The following NRDE2 variants were observed in gnomAD, a reference collection of about 807,000 sequenced individuals.
NRDE2 encodes nuclear exosome regulator NRDE2.
NRDE2 carries 76 observed loss-of-function variants against 124.2 expected under a neutral mutation model. That is an observed-to-expected ratio of 0.61 (90% CI 0.51 to 0.74). The LOEUF (loss-of-function observed/expected upper bound fraction) is 0.74, where lower values mean the gene tolerates loss of function less well. NRDE2 is among the 30% of genes least tolerant of loss of function. NRDE2 has a pLI of 0.00. For synonymous variants in NRDE2, 489 were observed against 528.1 expected, an observed-to-expected ratio of 0.93 and a Z score of 1.01; for missense variants, 1,314 against 1,417.3, an observed-to-expected ratio of 0.93 and a Z score of 1.17.
At position 90,275,204 on chromosome 14, in the gene NRDE2, C is replaced by T. The variant is rs1891777134; in HGVS notation, c.*3132G>A. The T allele has an allele frequency of 6.6e-6, 1 of 152,126 alleles. No individual in the cohort carries two copies. The highest frequency in any genetic ancestry group is 1.5e-5 in the Non-Finnish European group (1 of 68,040). 9.4% of individuals were successfully genotyped at this position (152,126 alleles called of 1,614,324 possible). On this transcript the variant is annotated 3_prime_UTR_variant, in exon 14 of 14. Coordinates refer to ENST00000354366, the MANE Select transcript of NRDE2 (RefSeq NM_017970.4). ...AGAAGGAGACCAAAGAGATGACAAC[C>T]AAGTGCAGCTCCTGCTCCTGAACTG...
intron 1 of NRDE2, among the ~76,000 whole-genome samples, chr14:90,321,515 A>C (rs959445065): frequency 6.7e-6 from 1 of 148,556 alleles, no homozygotes; most frequent in Non-Finnish European, 1.5e-5. Context: ...AGTTCAAACG[A>C]GCCTGGGCAA....
Position 90,288,799 on chromosome 14 carries a change from T to C in NRDE2, c.2576A>G (p.Tyr859Cys), listed in dbSNP as rs533874068. ...ILTKLTESSP[Y>C]GPYTGQVLAV... Reference sequence around the variant, plus strand: ...CAACACCTGTCCAGTGTAGGGCCCATAGGGGCTGCTCTCAGTCAGCTTGGT... The same window carrying C: ...CAACACCTGTCCAGTGTAGGGCCCACAGGGGCTGCTCTCAGTCAGCTTGGT... Residue 859 changes from tyrosine (Y) to cysteine (C), a missense_variant, in exon 11 of 14, where the codon TAT becomes TGT. Coordinates refer to ENST00000354366, the MANE Select transcript of NRDE2 (RefSeq NM_017970.4). 67 of 1,614,102 alleles carry C rather than the reference T, an allele frequency of 4.2e-5. No individual in the cohort carries two copies. The Middle Eastern group carries it at 5.0e-4, about 12-fold the overall frequency.
chr14:90,274,169 T>C lies in NRDE2; in HGVS notation c.*4167A>G, dbSNP rs1054820257. The C allele has an allele frequency of 6.5e-6, 1 of 154,636 alleles. No individual in the cohort carries two copies. The highest frequency in any genetic ancestry group is 1.5e-5 in the Non-Finnish European group (1 of 68,518). 9.6% of individuals were successfully genotyped at this position (154,636 alleles called of 1,614,324 possible). A position where few individuals can be genotyped will look rare whatever the true frequency, so the allele number is the denominator to read the frequency against. On this transcript the variant is annotated 3_prime_UTR_variant, in exon 14 of 14. Coordinates refer to ENST00000354366, the MANE Select transcript of NRDE2 (RefSeq NM_017970.4). ...GGCGGGTGTCAGCCCAAGTAGGGTGTGGAGCTGTCCATGTGGAGGAACACC... is the reference window on the plus strand; with the variant it reads ...GGCGGGTGTCAGCCCAAGTAGGGTGCGGAGCTGTCCATGTGGAGGAACACC...
In NRDE2 at chr14:90,302,760, T is replaced by C. The variant is rs761635972; in HGVS notation, c.1371A>G (p.Leu457=). ...CCGTGCCAGGCAACGCAGGGTGAGATAAGATGCTGCCGTCCTTAACAGCAG... is the reference window on the plus strand; with the variant it reads ...CCGTGCCAGGCAACGCAGGGTGAGACAAGATGCTGCCGTCCTTAACAGCAG... ...TLSAVKDGSI[L]SHPALPGTEE... The change falls in exon 6 of 14, where the codon TTA becomes TTG. Residue 457 remains leucine (L), a synonymous_variant. Coordinates refer to ENST00000354366, the MANE Select transcript of NRDE2 (RefSeq NM_017970.4). 1 of 1,613,806 alleles carries C rather than the reference T, an allele frequency of 6.2e-7. No homozygotes were observed. Among genetic ancestry groups the C allele is most frequent in the Non-Finnish European group, 8.5e-7 (1 of 1,179,830 alleles).
intron 1 of NRDE2, among the ~76,000 whole-genome samples, chr14:90,322,724 T>C (rs1467653482): frequency 6.6e-6 from 1 of 152,240 alleles, no homozygotes; most frequent in African/African-American, 2.4e-5. Flanking sequence ...TTTATAATTA[T>C]AACCTTCACT....
intron 10 of NRDE2, among the ~76,000 whole-genome samples, chr14:90,289,595 T>C (rs1445834684): frequency 6.6e-6 from 1 of 152,200 alleles, no homozygotes; most frequent in Non-Finnish European, 1.5e-5. Flanking sequence ...GCTTATCTAT[T>C]ATTTATTTTT....
At chr14:90,283,783 C>T (rs886872581) in intron 12 of NRDE2, among the ~76,000 whole-genome samples, 1 of 150,722 alleles carries the variant, frequency 6.6e-6, no homozygotes, top group Non-Finnish European at 1.5e-5. Flanking sequence ...AATCTTGGCT[C>T]TCACTGCAGC....
At chr14:90,278,925 G>A (rs1891876390) in intron 13 of NRDE2, 137 bp downstream of exon 13, 4 of 698,110 alleles carry the variant, frequency 5.7e-6, no homozygotes, top group Non-Finnish European at 1.0e-5. Flanking sequence ...GGCTCTGGAT[G>A]TACCTTGGGA....
chr14:90,324,441 C>T (rs1163451158), intron 1 of NRDE2, among the ~76,000 whole-genome samples: 2 of 151,932 alleles, frequency 1.3e-5, no homozygotes, highest in East Asian at 1.9e-4. Flanking sequence ...TTTGGGAGGC[C>T]GAGGTGGGCG....
chr14:90,289,966 C>A (rs767728734), intron 10 of NRDE2, among the ~76,000 whole-genome samples: 1 of 152,126 alleles, frequency 6.6e-6, no homozygotes, highest in Non-Finnish European at 1.5e-5. Flanking sequence ...CATGTAAGGA[C>A]GGGGACCTGG....
Position 90,268,065 on chromosome 14 carries a change from T to C in NRDE2, c.*10271A>G, listed in dbSNP as rs1247973648. On this transcript the variant is annotated 3_prime_UTR_variant, in exon 14 of 14. Transcript: ENST00000354366. ...TTTTCTAAATGTCCTCTTATCTACT[T>C]AGGAGAATGGAATGTCGTGACACTT... 5.1e-6 allele frequency: 3 copies of C among 586,174 alleles called. No homozygotes were observed. Among genetic ancestry groups the C allele is most frequent in the African/African-American group, 1.9e-5 (1 of 53,336 alleles). The allele number at this position is 586,174 out of a possible 1,614,324, so 36.3% of individuals were successfully genotyped here.
At chr14:90,296,160 C>G (rs1186212469) in intron 8 of NRDE2, among the ~76,000 whole-genome samples, 1 of 152,132 alleles carries the variant, frequency 6.6e-6, no homozygotes, top group Non-Finnish European at 1.5e-5. Context: ...CTAACAAAAA[C>G]CAAACAAAAC....
Position 90,273,812 on chromosome 14 carries a change from C to CCT in NRDE2, c.*4522_*4523dup, listed in dbSNP as rs1325702332. ...GCCTTTGCCAGTCTGTGAAGGCCAC[C>CCT]CTCCCTCCTGACTCGTGGCACTTCA... On this transcript the variant is annotated 3_prime_UTR_variant, in exon 14 of 14. Coordinates refer to ENST00000354366, the MANE Select transcript of NRDE2 (RefSeq NM_017970.4). 9 of 154,768 alleles carry CCT rather than the reference C, an allele frequency of 5.8e-5. No individual in the cohort carries two copies. The highest frequency in any genetic ancestry group is 2.2e-4 in the African/African-American group (9 of 41,622). The allele number at this position is 154,768 out of a possible 1,614,324, so 9.6% of individuals were successfully genotyped here.
intron 7 of NRDE2, among the ~76,000 whole-genome samples, chr14:90,299,924 A>G (rs1397949615): frequency 1.3e-5 from 2 of 152,248 alleles, no homozygotes; most frequent in Admixed American, 6.5e-5. Context: ...TGTTCACGGT[A>G]ACAACGTCTC....
In NRDE2 at chr14:90,275,554, A is replaced by T. The variant is rs943159203; in HGVS notation, c.*2782T>A. ...ATGCCAGGGCCTAGAGTGTCAGGGT[A>T]GCGGGCTGAACTGCGCCCCACCCCA... On this transcript the variant is annotated 3_prime_UTR_variant, in exon 14 of 14. Coordinates refer to ENST00000354366, the MANE Select transcript of NRDE2 (RefSeq NM_017970.4). 8 of 152,188 alleles carry T rather than the reference A, an allele frequency of 5.3e-5. No individual in the cohort carries two copies. The highest frequency in any genetic ancestry group is 1.9e-4 in the African/African-American group (8 of 41,444). 9.4% of individuals were successfully genotyped at this position (152,188 alleles called of 1,614,324 possible). A position where few individuals can be genotyped will look rare whatever the true frequency, so the allele number is the denominator to read the frequency against.
chr14:90,285,863 G>C (rs1041780698), intron 12 of NRDE2, among the ~76,000 whole-genome samples: 1 of 152,048 alleles, frequency 6.6e-6, no homozygotes, highest in Non-Finnish European at 1.5e-5. Context: ...TCGAACTCCT[G>C]GGCTCAGACG....
chr14:90,269,790 C>A lies in NRDE2; in HGVS notation c.*8546G>T. On this transcript the variant is annotated 3_prime_UTR_variant, in exon 14 of 14. Coordinates refer to ENST00000354366, the MANE Select transcript of NRDE2 (RefSeq NM_017970.4). ...TGTCTTTTCTTTTCCATAACATTCC[C>A]TTTTTAGCCTCAAGAACTTGCTGCT... is the stretch of plus-strand genomic sequence containing the variant. 2.3e-6 allele frequency: 1 copy of A among 434,310 alleles called. No homozygotes were observed. Among genetic ancestry groups the A allele is most frequent in the Non-Finnish European group, 4.0e-6 (1 of 248,382 alleles). The allele number at this position is 434,310 out of a possible 1,614,324, so 26.9% of individuals were successfully genotyped here.
At chr14:90,318,544 A>T (rs1453756337) in intron 1 of NRDE2, among the ~76,000 whole-genome samples, 1 of 152,214 alleles carries the variant, frequency 6.6e-6, no homozygotes, top group African/African-American at 2.4e-5. Context: ...TCATGCCTGT[A>T]ATCCCAGCAC....
intron 1 of NRDE2, among the ~76,000 whole-genome samples, chr14:90,322,897 TAGATA>T (rs1300251313): frequency 8.5e-5 from 13 of 152,364 alleles, no homozygotes; most frequent in African/African-American, 3.1e-4. Context: ...AATGTGTACA[TAGATA>T]ATTGTGCCAA....
Sources: gnomAD v4.1 joint callset for allele counts (sites outside exome capture counted in the v4.1 genomes callset) on GRCh38, gnomAD v4.1.1 for gene constraint, MANE v1.5 for transcripts, NCBI Gene and HGNC (gene_info 2026-07-23, HGNC 2026-07-21) for gene names.